SIK3: variants seen among roughly 807,000 people sequenced by gnomAD.
SIK3 encodes SIK family kinase 3.
Under a neutral mutation model 144.2 loss-of-function variants are expected in SIK3, and 28 were observed. The ratio of observed to expected loss-of-function variants is 0.19; its 90% CI spans 0.14 to 0.27. SIK3 has a LOEUF of 0.27. Ranked by LOEUF, SIK3 falls within the 10% of genes least tolerant of loss-of-function variation. SIK3 has a pLI of 1.00. For synonymous variants in SIK3, 686 were observed against 676.3 expected, an observed-to-expected ratio of 1.01 and a Z score of -0.22; for missense variants, 1,319 against 1,776.0, an observed-to-expected ratio of 0.74 and a Z score of 4.62.
chr11:116,867,779 T>C lies in SIK3; in HGVS notation c.1952+167A>G, dbSNP rs79755752. 3,335 of 606,666 alleles carry C rather than the reference T, an allele frequency of 5.5e-3. 78 individuals are homozygous for C. Among genetic ancestry groups the C allele is most frequent in the African/African-American group, 0.054 (2,864 of 52,698 alleles). The allele number at this position is 606,666 out of a possible 1,614,324, so 37.6% of individuals were successfully genotyped here. Reference sequence around the variant, plus strand: ...TGCTCCAGGGCGCAGTAAAAAACCTTTGCCCTGTGCATTGCTTACTGCAAG... The same window carrying C: ...TGCTCCAGGGCGCAGTAAAAAACCTCTGCCCTGTGCATTGCTTACTGCAAG... On this transcript the variant is annotated intron_variant, in intron 15 of 24. Coordinates refer to ENST00000445177, the MANE Select transcript of SIK3 (RefSeq NM_001366686.3). This position sits in a 1 kb window ranked among gnomAD's most constrained non-coding sequence, Gnocchi z 4.1.
chr11:117,083,888 A>C (rs930052778), intron 1 of SIK3, among the ~76,000 whole-genome samples: 5 of 152,248 alleles, frequency 3.3e-5, no homozygotes, highest in African/African-American at 9.6e-5. Context: ...TAAACCTCTT[A>C]AACTAAAGAG....
intron 1 of SIK3, 84 bp downstream of exon 1, chr11:117,098,059 G>T: frequency 8.5e-7 from 1 of 1,177,616 alleles, no homozygotes; most frequent in Non-Finnish European, 1.0e-6. Context: ...CGCCGCGCTC[G>T]CCGCCCCGAC....
At position 116,861,864 on chromosome 11, in the gene SIK3, G is replaced by A. The variant is rs956918187; in HGVS notation, c.2292C>T (p.Ala764=). ...PLQAACENQP[A]LLTHQLQRLR... Reference sequence around the variant, plus strand: ...ACCTCTGGAGCTGATGGGTAAGGAGGGCTGGCTGATTTTCACATGCAGCCT... The same window carrying A: ...ACCTCTGGAGCTGATGGGTAAGGAGAGCTGGCTGATTTTCACATGCAGCCT... The change falls in exon 18 of 25, where the codon GCC becomes GCT. Residue 764 remains alanine, a synonymous_variant. Transcript: ENST00000445177. 1 of 1,612,250 alleles carries A rather than the reference G, an allele frequency of 6.2e-7. No homozygotes were observed. Among genetic ancestry groups the A allele is most frequent in the Non-Finnish European group, 8.5e-7 (1 of 1,179,206 alleles).
intron 1 of SIK3, among the ~76,000 whole-genome samples, chr11:117,040,224 G>C (rs1270645958): frequency 6.6e-6 from 1 of 152,162 alleles, no homozygotes; most frequent in Non-Finnish European, 1.5e-5. Context: ...TAGTGATAAA[G>C]AGCAGAAGAA....
At chr11:117,044,638 T>C (rs1952879747) in intron 1 of SIK3, among the ~76,000 whole-genome samples, 1 of 151,780 alleles carries the variant, frequency 6.6e-6, no homozygotes, top group East Asian at 1.9e-4. Flanking sequence ...AGTTAAAAAC[T>C]TGAGGGCCCA....
At chr11:116,998,036 T>C (rs916040212) in intron 1 of SIK3, among the ~76,000 whole-genome samples, 2 of 152,050 alleles carry the variant, frequency 1.3e-5, no homozygotes, top group Non-Finnish European at 2.9e-5. Context: ...TTTATTTTTA[T>C]AAAGACAGGG....
At position 116,938,098 on chromosome 11, in the gene SIK3, G is replaced by A. The variant is rs191133200; in HGVS notation, c.455-10718C>T. On this transcript the variant is annotated intron_variant, in intron 3 of 24. Coordinates refer to ENST00000445177, the MANE Select transcript of SIK3 (RefSeq NM_001366686.3). ...CGTGTGCCTGTAGTCCCAGCTACTC[G>A]GGAGGCTGAGGCAGGAGAATCACTT... is the stretch of plus-strand genomic sequence containing the variant. 2.8e-4 allele frequency among the ~76,000 whole-genome samples: 43 copies of A among 151,000 alleles called. 1 individual carries two copies. In the East Asian group the frequency reaches 7.2e-3, roughly 25 times the overall value.
Position 116,843,464 on chromosome 11 carries a change from GA to G in SIK3, c.*2178del, listed in dbSNP as rs936328068. 3 of 151,820 alleles carry G rather than the reference GA, an allele frequency of 2.0e-5. No individual in the cohort carries two copies. The highest frequency in any genetic ancestry group is 2.0e-4 in the Admixed American group (3 of 15,262). The allele number at this position is 151,820 out of a possible 1,614,324, so 9.4% of individuals were successfully genotyped here. A position where few individuals can be genotyped will look rare whatever the true frequency, so the allele number is the denominator to read the frequency against. On this transcript the variant is annotated 3_prime_UTR_variant, in exon 25 of 25. Transcript: ENST00000445177. ...TTTTAGTTCAACATAAAATGAGAAAGAAAAAAATATTTCTGACATTTTCAAA... is the reference window on the plus strand; with the variant it reads ...TTTTAGTTCAACATAAAATGAGAAAGAAAAAATATTTCTGACATTTTCAAA...
At chr11:116,869,095 G>A (rs1280577410) in intron 14 of SIK3, 3 of 152,052 alleles carry the variant, frequency 2.0e-5, no homozygotes, top group South Asian at 4.1e-4. Flanking sequence ...TAAATTTCCT[G>A]ATTTCTCATT....
intron 3 of SIK3, among the ~76,000 whole-genome samples, chr11:116,937,964 G>T (rs1241365232): frequency 6.6e-6 from 1 of 152,068 alleles, no homozygotes; most frequent in Non-Finnish European, 1.5e-5. Flanking sequence ...CAGTGCTCTG[G>T]GAGGCTGAGA....
chr11:116,889,191 TTC>T (rs1944975656), intron 6 of SIK3, among the ~76,000 whole-genome samples: 1 of 152,246 alleles, frequency 6.6e-6, no homozygotes, highest in African/African-American at 2.4e-5. Flanking sequence ...CTTCCAAAAC[TTC>T]ATCAGCAAGA....
At chr11:116,974,171 T>TA (rs1435057605) in intron 1 of SIK3, among the ~76,000 whole-genome samples, 1 of 152,240 alleles carries the variant, frequency 6.6e-6, no homozygotes, top group East Asian at 1.9e-4. Flanking sequence ...CTAAAATAGT[T>TA]AACTGCAAAC....
At chr11:117,089,790 CAGCCCACACAGACA>C (rs1955165461) in intron 1 of SIK3, among the ~76,000 whole-genome samples, 2 of 152,320 alleles carry the variant, frequency 1.3e-5, no homozygotes, top group African/African-American at 4.8e-5. Flanking sequence ...TGAGTGAGCT[CAGCCCACACAGACA>C]AGCTTCAACA....
intron 1 of SIK3, among the ~76,000 whole-genome samples, chr11:117,058,188 G>A (rs1953627070): frequency 6.6e-6 from 1 of 152,176 alleles, no homozygotes; most frequent in African/African-American, 2.4e-5. Flanking sequence ...AGAGGACAGA[G>A]ATGAGGCTAG....
chr11:116,861,235 G>C, intron 19 of SIK3, 39 bp downstream of exon 19: 1 of 1,405,782 alleles, frequency 7.1e-7, no homozygotes, highest in Middle Eastern at 1.8e-4. Context: ...TTCCCATGTG[G>C]CATAAAATGA....
At chr11:116,922,435 G>A (rs1021597176) in intron 4 of SIK3, among the ~76,000 whole-genome samples, 1 of 152,138 alleles carries the variant, frequency 6.6e-6, no homozygotes, top group Non-Finnish European at 1.5e-5. Flanking sequence ...AGGTTGCAGT[G>A]AGCCATGATT....
intron 6 of SIK3, among the ~76,000 whole-genome samples, chr11:116,886,453 G>A (rs1161744781): frequency 6.6e-6 from 1 of 152,212 alleles, no homozygotes; most frequent in Admixed American, 6.5e-5. Flanking sequence ...TTGCCTCTAA[G>A]TAGAAGCTTT....
intron 1 of SIK3, 56 bp from the exon 2 acceptor site, chr11:116,957,120 GAA>G: frequency 1.1e-6 from 1 of 884,706 alleles, no homozygotes; most frequent in African/African-American, 1.7e-5. Flanking sequence ...AGTTTACTAA[GAA>G]AAATTAGGTT....
intron 21 of SIK3, among the ~76,000 whole-genome samples, chr11:116,850,536 C>T (rs1453296438): frequency 2.0e-5 from 3 of 152,226 alleles, no homozygotes; most frequent in African/African-American, 7.2e-5. Flanking sequence ...TTCCTTTAAA[C>T]TTCAAAAGAC....
Sources: allele counts gnomAD v4.1 joint callset (sites outside exome capture counted in the v4.1 genomes callset), GRCh38; gene constraint gnomAD v4.1.1; non-coding constraint Gnocchi (gnomAD v3.1); transcripts MANE v1.5; gene names NCBI Gene and HGNC (gene_info 2026-07-23, HGNC 2026-07-21).